ATPAF1: variants seen among roughly 807,000 people sequenced by gnomAD.
The protein encoded by ATPAF1 is ATP synthase mitochondrial F1 complex assembly factor 1.
Under a neutral mutation model 43.9 loss-of-function variants are expected in ATPAF1, and 26 were observed. That is an observed-to-expected ratio of 0.59 (90% CI 0.43 to 0.82). ATPAF1 has a LOEUF of 0.82. Among genes scored for constraint, ATPAF1 ranks in the 40% least tolerant of loss-of-function variants. The pLI is 0.00. For synonymous variants in ATPAF1, 157 were observed against 168.0 expected (o/e 0.93, Z 0.50); for missense variants, 366 against 435.0 (o/e 0.84, Z 1.41).
intron 8 of ATPAF1, among the ~76,000 whole-genome samples, chr1:46,637,942 CCTT>C (rs1675872225): frequency 3.3e-5 from 5 of 152,190 alleles, no homozygotes; most frequent in Admixed American, 1.3e-4. Flanking sequence ...CCCAATTCAT[CCTT>C]CTGTTTCTGG....
chr1:46,665,030 T>C (rs545527699), intron 2 of ATPAF1: 9 of 508,826 alleles, frequency 1.8e-5, no homozygotes, highest in Admixed American at 1.3e-4. Context: ...CTGCTCCTCT[T>C]GGGAGCAGGA....
chr1:46,667,147 A>T (rs1403993172), intron 1 of ATPAF1, among the ~76,000 whole-genome samples: 1 of 152,242 alleles, frequency 6.6e-6, no homozygotes, highest in East Asian at 1.9e-4. Flanking sequence ...ACTGGGGTAA[A>T]GTAGTCCAGG....
intron 8 of ATPAF1, 153 bp from the exon 9 acceptor site, chr1:46,636,123 C>T: frequency 1.3e-6 from 1 of 778,332 alleles, no homozygotes; most frequent in South Asian, 1.4e-5. Flanking sequence ...GTTAGGTGCC[C>T]CTTCTCTGTG....
At chr1:46,633,968 A>G (rs1675793199), downstream of ATPAF1, 2 of 395,782 alleles carry the variant, frequency 5.1e-6, no homozygotes, top group South Asian at 3.7e-5. Context: ...AAGTTTCTCA[A>G]AAGATAAACT....
intron 2 of ATPAF1, chr1:46,664,413 G>A (rs1199038946): frequency 6.5e-6 from 1 of 152,680 alleles, no homozygotes; most frequent in Non-Finnish European, 1.5e-5. Flanking sequence ...AAGTGGAAGG[G>A]TTAGGATTCA....
intron 8 of ATPAF1, 146 bp downstream of exon 8, chr1:46,643,048 A>G (rs1675977354): frequency 2.2e-5 from 15 of 667,166 alleles, no homozygotes; most frequent in Non-Finnish European, 3.3e-5. Flanking sequence ...ATCTTGAGCA[A>G]GACAACTTCA....
intron 2 of ATPAF1, among the ~76,000 whole-genome samples, chr1:46,661,410 C>A (rs1676384438): frequency 6.6e-6 from 1 of 152,138 alleles, no homozygotes; most frequent in South Asian, 2.1e-4. Context: ...ACATAACACC[C>A]ATTTGCCAGT....
intron 6 of ATPAF1, among the ~76,000 whole-genome samples, chr1:46,649,064 A>C (rs1676113240): frequency 6.6e-6 from 1 of 151,000 alleles, no homozygotes; most frequent in African/African-American, 2.4e-5. Flanking sequence ...TGGGAGGCTG[A>C]GGCAGGAGAA....
chr1:46,661,290 T>G (rs1391853535), intron 2 of ATPAF1, among the ~76,000 whole-genome samples: 3 of 152,210 alleles, frequency 2.0e-5, no homozygotes, highest in Admixed American at 6.5e-5. Flanking sequence ...TTGCCCAGGC[T>G]GGTCTCGAAC....
chr1:46,666,755 G>T (rs1358538953), intron 1 of ATPAF1, among the ~76,000 whole-genome samples: 1 of 152,216 alleles, frequency 6.6e-6, no homozygotes, highest in Non-Finnish European at 1.5e-5. Flanking sequence ...AGGAACTTGT[G>T]TGAAACATTA....
chr1:46,665,512 G>A, intron 1 of ATPAF1, 148 bp from the exon 2 acceptor site: 2 of 1,183,180 alleles, frequency 1.7e-6, no homozygotes, highest in Non-Finnish European at 2.4e-6. Context: ...ACTGGGCACA[G>A]GCCTAGAAAT....
chr1:46,665,593 C>G, intron 1 of ATPAF1: 1 of 1,405,946 alleles, frequency 7.1e-7, no homozygotes, highest in Non-Finnish European at 9.7e-7. Context: ...TAACATTTTT[C>G]TTTTGCAGGC....
intron 2 of ATPAF1, chr1:46,663,710 A>G (rs186272105): frequency 1.1e-4 from 35 of 322,112 alleles, no homozygotes; most frequent in African/African-American, 7.2e-4. Flanking sequence ...AGTCATTAAG[A>G]CTCAGCAGAT....
At chr1:46,639,835 T>C (rs1675914849) in intron 8 of ATPAF1, among the ~76,000 whole-genome samples, 1 of 152,216 alleles carries the variant, frequency 6.6e-6, no homozygotes, top group South Asian at 2.1e-4. Context: ...TGTCAAATGT[T>C]AAAAGGCCAG....
chr1:46,663,342 C>T (rs1183875903), intron 2 of ATPAF1, among the ~76,000 whole-genome samples: 1 of 152,130 alleles, frequency 6.6e-6, no homozygotes, highest in Admixed American at 6.5e-5. Context: ...GTTCTAGATC[C>T]CTAAGGAATC....
At chr1:46,662,935 C>T (rs1004559656) in intron 2 of ATPAF1, among the ~76,000 whole-genome samples, 1 of 152,036 alleles carries the variant, frequency 6.6e-6, no homozygotes, top group Non-Finnish European at 1.5e-5. Flanking sequence ...CTCCCCACTC[C>T]CCCGACCCCA....
At chr1:46,637,665 A>T (rs1049732584) in intron 8 of ATPAF1, among the ~76,000 whole-genome samples, 1 of 152,210 alleles carries the variant, frequency 6.6e-6, no homozygotes, top group Non-Finnish European at 1.5e-5. Context: ...CTCCATCTCT[A>T]TTCCCTCTGT....
intron 1 of ATPAF1, 70 bp from the exon 2 acceptor site, chr1:46,665,434 T>A: frequency 6.7e-7 from 1 of 1,494,106 alleles, no homozygotes; most frequent in Non-Finnish European, 9.2e-7. Flanking sequence ...AAGCATCACT[T>A]TCCACCTCTA....
chr1:46,648,376 T>C lies in ATPAF1; in HGVS notation c.589-3120A>G, dbSNP rs537232530. Among the ~76,000 whole-genome samples the C allele has an allele frequency of 8.5e-5, 13 of 152,270 alleles. No individual in the cohort carries two copies. The South Asian group carries it at 1.7e-3, about 19-fold the overall frequency. On this transcript the variant is annotated intron_variant, in intron 6 of 8. Transcript: ENST00000574428. ...ATCCACCCACCTTGGCCTCCCAAAG[T>C]GCTGGGGTTACATGCGTGAGCCACC...
Sources: allele counts gnomAD v4.1 joint callset (sites outside exome capture counted in the v4.1 genomes callset), GRCh38; gene constraint gnomAD v4.1.1; transcripts MANE v1.5; gene names NCBI Gene and HGNC (gene_info 2026-07-23, HGNC 2026-07-21).